Variants in MACROD2 observed in about 807,000 individuals in gnomAD.
MACROD2 encodes the protein mono-ADP ribosylhydrolase 2, also known as ADP-ribose glycohydrolase MACROD2.
In MACROD2, 36 loss-of-function variants were observed where a neutral mutation model predicts 70.4. The ratio of observed to expected loss-of-function variants is 0.51; its 90% CI spans 0.39 to 0.68. The LOEUF (loss-of-function observed/expected upper bound fraction) is 0.68, where lower values mean the gene tolerates loss of function less well. MACROD2 is among the 30% of genes least tolerant of loss of function. The pLI is 0.00. For missense variants in MACROD2, 496 were observed against 538.4 expected, an observed-to-expected ratio of 0.92 and a Z score of 0.78; for synonymous variants, 172 against 178.8, an observed-to-expected ratio of 0.96 and a Z score of 0.30.
chr20:14,897,802 A>G (rs1483020218), intron 5 of MACROD2, among the ~76,000 whole-genome samples: 1 of 152,152 alleles, frequency 6.6e-6, no homozygotes, highest in Non-Finnish European at 1.5e-5. Context: ...TCCAAGAACA[A>G]GGTGCTGACA....
intron 8 of MACROD2, among the ~76,000 whole-genome samples, chr20:15,598,316 T>G (rs2048772840): frequency 6.6e-6 from 1 of 152,234 alleles, no homozygotes. Context: ...AGTAAAGTCA[T>G]GGACTGCTCA....
intron 8 of MACROD2, among the ~76,000 whole-genome samples, chr20:15,609,655 G>T (rs2048940066): frequency 6.6e-6 from 1 of 152,214 alleles, no homozygotes; most frequent in South Asian, 2.1e-4. Context: ...TGTCATGATA[G>T]AATGCAAAGG....
At chr20:14,188,382 A>C (rs1307541080) in intron 3 of MACROD2, among the ~76,000 whole-genome samples, 1 of 152,134 alleles carries the variant, frequency 6.6e-6, no homozygotes, top group East Asian at 1.9e-4. Context: ...TCACAAAAAA[A>C]CTTAGAAGCG....
chr20:14,029,398 C>T (rs2053220237), intron 2 of MACROD2, among the ~76,000 whole-genome samples: 1 of 152,094 alleles, frequency 6.6e-6, no homozygotes, highest in Non-Finnish European at 1.5e-5. Context: ...CCTCCTTCCC[C>T]CATCATGCCT....
intron 8 of MACROD2, among the ~76,000 whole-genome samples, chr20:15,538,658 A>G (rs1281003233): frequency 1.3e-5 from 2 of 152,224 alleles, no homozygotes; most frequent in Non-Finnish European, 2.9e-5. Context: ...CCCATTTAAA[A>G]ATATAAAAGT....
At chr20:15,294,304 G>A (rs951466514) in intron 6 of MACROD2, among the ~76,000 whole-genome samples, 1 of 152,070 alleles carries the variant, frequency 6.6e-6, no homozygotes, top group Non-Finnish European at 1.5e-5. Context: ...TATGTGTAAT[G>A]TACTGAACCC....
intron 5 of MACROD2, among the ~76,000 whole-genome samples, chr20:14,885,671 C>T (rs2073665619): frequency 2.0e-5 from 3 of 152,142 alleles, no homozygotes; most frequent in African/African-American, 4.8e-5. Context: ...CTTGTTATCT[C>T]CTATTGAACC....
At chr20:14,379,928 C>G (rs1224188216) in intron 3 of MACROD2, among the ~76,000 whole-genome samples, 1 of 152,078 alleles carries the variant, frequency 6.6e-6, no homozygotes, top group African/African-American at 2.4e-5. Flanking sequence ...CATTATTGTA[C>G]AAGTATCTAC....
intron 3 of MACROD2, among the ~76,000 whole-genome samples, chr20:14,447,915 C>T (rs150168544): frequency 1.3e-5 from 2 of 151,008 alleles, no homozygotes; most frequent in African/African-American, 4.9e-5. Context: ...AATGAATAGT[C>T]CATGTCACCG....
chr20:14,395,053 A>T (rs2083567343), intron 3 of MACROD2, among the ~76,000 whole-genome samples: 1 of 151,970 alleles, frequency 6.6e-6, no homozygotes, highest in African/African-American at 2.4e-5. Flanking sequence ...TTCTTTTTTT[A>T]AATGTCTTTT....
At chr20:14,536,256 A>G (rs1445071811) in intron 4 of MACROD2, among the ~76,000 whole-genome samples, 1 of 152,200 alleles carries the variant, frequency 6.6e-6, no homozygotes, top group Non-Finnish European at 1.5e-5. Flanking sequence ...TTAAAAATGC[A>G]TTCTCCATTA....
chr20:15,304,104 T>A (rs1345915958), intron 6 of MACROD2, among the ~76,000 whole-genome samples: 1 of 152,214 alleles, frequency 6.6e-6, no homozygotes, highest in Non-Finnish European at 1.5e-5. Flanking sequence ...TTCTTTCTTT[T>A]CTGTGTTTCC....
At chr20:15,146,499 G>T (rs1004281626) in intron 5 of MACROD2, among the ~76,000 whole-genome samples, 1 of 152,102 alleles carries the variant, frequency 6.6e-6, no homozygotes, top group Non-Finnish European at 1.5e-5. Context: ...ATCATATTTT[G>T]CTTCTAGAAA....
At chr20:14,375,155 A>G (rs577870186) in intron 3 of MACROD2, among the ~76,000 whole-genome samples, 2 of 152,284 alleles carry the variant, frequency 1.3e-5, no homozygotes, top group East Asian at 1.9e-4. Flanking sequence ...AAAAATTCAA[A>G]TGTTATTTTT....
intron 6 of MACROD2, among the ~76,000 whole-genome samples, chr20:15,394,521 A>C (rs1019459944): frequency 6.6e-6 from 1 of 152,202 alleles, no homozygotes; most frequent in Non-Finnish European, 1.5e-5. Context: ...AGTCTGATTA[A>C]AGCTTGACAA....
chr20:14,298,141 C>A (rs1196246772), intron 3 of MACROD2, among the ~76,000 whole-genome samples: 1 of 152,062 alleles, frequency 6.6e-6, no homozygotes, highest in East Asian at 1.9e-4. Context: ...TGCTCATTGA[C>A]AATGCACCTA....
intron 6 of MACROD2, among the ~76,000 whole-genome samples, chr20:15,251,259 A>T (rs1020686640): frequency 5.9e-5 from 9 of 152,320 alleles, no homozygotes; most frequent in South Asian, 4.1e-4. Flanking sequence ...AGAAGCTGCC[A>T]TGTTTTCATT....
At chr20:15,137,658 A>G (rs1210722166) in intron 5 of MACROD2, among the ~76,000 whole-genome samples, 1 of 151,726 alleles carries the variant, frequency 6.6e-6, no homozygotes, top group African/African-American at 2.4e-5. Context: ...ATGTATACAT[A>G]TGTAACTAAC....
intron 3 of MACROD2, among the ~76,000 whole-genome samples, chr20:14,244,872 G>A (rs2081956933): frequency 6.6e-6 from 1 of 152,208 alleles, no homozygotes; most frequent in African/African-American, 2.4e-5. Flanking sequence ...CTAGCCGTAA[G>A]TGTTAATGTA....
Sources: gnomAD v4.1 joint callset for allele counts (sites outside exome capture counted in the v4.1 genomes callset) on GRCh38, gnomAD v4.1.1 for gene constraint, MANE v1.5 for transcripts, NCBI Gene and HGNC (gene_info 2026-07-23, HGNC 2026-07-21) for gene names.